UCP3: variants seen among roughly 807,000 people sequenced by gnomAD.
UCP3 encodes the protein putative mitochondrial transporter UCP3.
In UCP3, 24 loss-of-function variants were observed where a neutral mutation model predicts 28.1. The observed-to-expected ratio is 0.85, with a 90% CI of 0.62 to 1.20. The LOEUF is 1.20. Among genes scored for constraint, UCP3 ranks in the 50% most tolerant of loss-of-function variants. The pLI is 0.00. For missense variants in UCP3, 397 were observed against 422.2 expected (o/e 0.94, Z 0.52); for synonymous variants, 184 against 171.2 (o/e 1.07, Z -0.59).
intron 3 of UCP3, 26 bp downstream of exon 3, chr11:74,006,143 T>C (rs1951663525): frequency 1.2e-6 from 2 of 1,613,228 alleles, no homozygotes; most frequent in Non-Finnish European, 1.7e-6. Flanking sequence ...GCCACCCCTT[T>C]GGTGTTCAGG....
rs202151585 is a variant in UCP3 at position 74,005,820 on chromosome 11, C to T, written c.451G>A (p.Gly151Arg). 5.3e-5 allele frequency: 85 copies of T among 1,614,064 alleles called. No homozygotes were observed. Among genetic ancestry groups the T allele is most frequent in the African/African-American group, 9.3e-5 (7 of 74,898 alleles). ...KVRFQASIHL[G>R]PSRSDRKYSG... Reference sequence around the variant, plus strand: ...TATTTTCTGTCGCTCCTGGATGGCCCGAGGTGTATGCTGGCCTGAAATCGG... The same window carrying T: ...TATTTTCTGTCGCTCCTGGATGGCCTGAGGTGTATGCTGGCCTGAAATCGG... The change falls in exon 4 of 7, where the codon GGG (glycine) becomes AGG (arginine). Residue 151 changes from glycine to arginine, a missense_variant. Gly to Arg is a moderately radical substitution (Grantham distance 125). Transcript: ENST00000314032.
At chr11:74,008,844 T>C (rs1951685520) in intron 1 of UCP3, 134 bp downstream of exon 1, 1 of 152,198 alleles carries the variant, frequency 6.6e-6, no homozygotes, top group Non-Finnish European at 1.5e-5. Flanking sequence ...ACTGAATCTC[T>C]ATCAGGTCTG....
intron 6 of UCP3, chr11:74,002,963 AG>A: frequency 1.0e-6 from 1 of 984,658 alleles, no homozygotes; most frequent in Non-Finnish European, 1.2e-6. Flanking sequence ...TCTGACGGTC[AG>A]GGTTTGAGCC....
intron 6 of UCP3, chr11:74,002,945 G>A (rs897894820): frequency 3.0e-6 from 3 of 985,264 alleles, no homozygotes; most frequent in Non-Finnish European, 3.6e-6. Flanking sequence ...ACATTGTTGG[G>A]TGTGGTGTCT....
At chr11:74,003,494 C>T (rs1565190475) in intron 6 of UCP3, 2 of 1,033,498 alleles carry the variant, frequency 1.9e-6, no homozygotes, top group Non-Finnish European at 2.3e-6. Flanking sequence ...CGTGTGGAGA[C>T]AGTGAGGAAG....
rs1951619879 is a variant in UCP3 at position 74,001,321 on chromosome 11, G to T, written c.*91C>A. The T allele has an allele frequency of 3.5e-6, 4 of 1,155,024 alleles. No homozygotes were observed. The South Asian group carries it at 3.9e-5, about 11-fold the overall frequency. The allele number at this position is 1,155,024 out of a possible 1,614,324, so 71.5% of individuals were successfully genotyped here. On this transcript the variant is annotated 3_prime_UTR_variant, in exon 7 of 7. Transcript: ENST00000314032. ...AACAACAGTTCTGTAAACATGTGTG[G>T]GTCTGTGTCCATGTGTGCGTGGATG...
At chr11:74,003,576 T>C (rs1337255300) in intron 6 of UCP3, 1 of 1,221,648 alleles carries the variant, frequency 8.2e-7, no homozygotes, top group African/African-American at 1.5e-5. Context: ...ATTGCTAACT[T>C]CCTCTGGAGA....
chr11:74,005,844 G>A lies in UCP3; in HGVS notation c.427C>T (p.Arg143Ter), dbSNP rs104894319. Reference sequence around the variant, plus strand: ...CCGAGGTGTATGCTGGCCTGAAATCGGACCTTCACCACATCTGTGGGCTGG... The same window carrying A: ...CCGAGGTGTATGCTGGCCTGAAATCAGACCTTCACCACATCTGTGGGCTGG... ...CAQPTDVVKV[R>*]FQASIHLGPS... Residue 143 changes from arginine to a stop codon, truncating the protein, a stop_gained, in exon 4 of 7, where the codon CGA becomes TGA. Transcript: ENST00000314032. LOFTEE classifies it high-confidence loss of function. 3.9e-4 allele frequency: 635 copies of A among 1,614,128 alleles called. 1 individual carries two copies. The African/African-American group carries it at 6.5e-3, about 16-fold the overall frequency.
rs1170213272 is a variant in UCP3 at position 74,004,368 on chromosome 11, G to A, written c.643+116C>T. On this transcript the variant is annotated intron_variant, in intron 5 of 6. Coordinates refer to ENST00000314032, the MANE Select transcript of UCP3 (RefSeq NM_003356.4). ...TACCTGGCACTTTTTACTAGGCACT[G>A]CTTCTCTCTCTGCTCCTTCTAAAAC... 6.3e-6 allele frequency: 6 copies of A among 952,880 alleles called. No homozygotes were observed. The Admixed American group carries it at 1.1e-4, about 18-fold the overall frequency. 59.0% of individuals were successfully genotyped at this position (952,880 alleles called of 1,614,324 possible).
At chr11:74,001,733 A>AC (rs1951623417) in intron 6 of UCP3, 2 of 565,552 alleles carry the variant, frequency 3.5e-6, no homozygotes, top group African/African-American at 1.9e-5. Context: ...AAGAAAAAAA[A>AC]ACTCACGTTT....
chr11:74,001,456 G>A lies in UCP3; in HGVS notation c.895C>T (p.Arg299Trp), dbSNP rs142927779. ...AACATCTGGACTTTCATCAGGGCCC[G>A]TTTCAGCTGCTCATAGGTTACGAAC... ...VMFVTYEQLK[R>W]ALMKVQMLRE... Residue 299 changes from arginine (R) to tryptophan (W), a missense_variant, in exon 7 of 7, where the codon CGG becomes TGG. Coordinates refer to ENST00000314032, the MANE Select transcript of UCP3 (RefSeq NM_003356.4). 2.5e-6 allele frequency: 4 copies of A among 1,614,158 alleles called. No individual in the cohort carries two copies. Among genetic ancestry groups the A allele is most frequent in the African/African-American group, 2.7e-5 (2 of 75,034 alleles).
rs746995996 is a variant in UCP3 at position 74,003,829 on chromosome 11, C to T, written c.822G>A (p.Lys274=). The part of the protein sequence containing the change: ...VAQEGPTAFY[K]GFTPSFLRLG... ...GCTGGAGGCAGGAGGAGGCTCACCC[C>T]TTGTAGAAGGCTGTGGGGCCCTCCT... The change falls in exon 6 of 7, where the codon AAG becomes AAA. Residue 274 remains lysine (K), a splice_region_variant and synonymous_variant. Coordinates refer to ENST00000314032, the MANE Select transcript of UCP3 (RefSeq NM_003356.4). 74 of 1,597,518 alleles carry T rather than the reference C, an allele frequency of 4.6e-5. No individual in the cohort carries two copies. The highest frequency in any genetic ancestry group is 2.7e-4 in the Admixed American group (16 of 58,258).
chr11:74,004,477 G>A lies in UCP3; in HGVS notation c.643+7C>T. 1 of 1,612,890 alleles carries A rather than the reference G, an allele frequency of 6.2e-7. No individual in the cohort carries two copies. The highest frequency in any genetic ancestry group is 8.5e-7 in the Non-Finnish European group (1 of 1,178,882). ...GAGAGCTGCCTGCCTGGAGCCCAGG[G>A]CCTCACCAGTGAGCAGGTGGTAGTC... On this transcript the variant is annotated splice_region_variant and intron_variant, in intron 5 of 6. Coordinates refer to ENST00000314032, the MANE Select transcript of UCP3 (RefSeq NM_003356.4).
intron 4 of UCP3, among the ~76,000 whole-genome samples, chr11:74,005,093 C>T (rs1363122698): frequency 6.6e-6 from 1 of 152,202 alleles, no homozygotes; most frequent in Non-Finnish European, 1.5e-5. Context: ...TGCCCTTAAA[C>T]TTCACTGGGT....
chr11:74,008,543 C>T lies in UCP3; in HGVS notation c.-96+435G>A, dbSNP rs753891921. ...TAAAGCTCCCAGCAAATGACCTGGA[C>T]CACGCCTCAGGTCAGAAGTGCCCCT... On this transcript the variant is annotated intron_variant, in intron 1 of 6. Transcript: ENST00000314032. Among the ~76,000 whole-genome samples the T allele has an allele frequency of 4.0e-4, 61 of 152,164 alleles. 1 individual carries two copies. Among genetic ancestry groups the T allele is most frequent in the Non-Finnish European group, 8.8e-5 (6 of 68,030 alleles).
intron 1 of UCP3, among the ~76,000 whole-genome samples, chr11:74,008,534 T>C (rs1347014630): frequency 6.6e-6 from 1 of 152,078 alleles, no homozygotes. Context: ...TCCCAGCAAA[T>C]GACCTGGACC....
chr11:74,002,670 G>T, intron 6 of UCP3: 2 of 847,094 alleles, frequency 2.4e-6, no homozygotes, highest in Non-Finnish European at 2.8e-6. Context: ...CCTACAAGAT[G>T]CTCCAGAAAT....
At position 74,005,845 on chromosome 11, in the gene UCP3, G is replaced by C; in HGVS notation, c.426C>G (p.Val142=). 2 of 1,614,198 alleles carry C rather than the reference G, an allele frequency of 1.2e-6. No homozygotes were observed. The highest frequency in any genetic ancestry group is 1.7e-6 in the Non-Finnish European group (2 of 1,180,046). The stretch of plus-strand genomic sequence containing the variant: ...CGAGGTGTATGCTGGCCTGAAATCG[G>C]ACCTTCACCACATCTGTGGGCTGGG... ...TCAQPTDVVK[V]RFQASIHLGP... The change falls in exon 4 of 7, where the codon GTC becomes GTG. Residue 142 remains valine, a synonymous_variant. Transcript: ENST00000314032.
Position 74,004,004 on chromosome 11 carries a change from TTGTC to T in UCP3, c.644-1_646del. 1 of 1,613,762 alleles carries T rather than the reference TTGTC, an allele frequency of 6.2e-7. No individual in the cohort carries two copies. Among genetic ancestry groups the T allele is most frequent in the Non-Finnish European group, 8.5e-7 (1 of 1,179,980 alleles). ...GGCAGAGACAAAGTGGCAGGGGAAGTTGTCTGCAGAGGAAGGACAAGCAAATATC... is the reference window on the plus strand; with the variant it reads ...GGCAGAGACAAAGTGGCAGGGGAAGTTGCAGAGGAAGGACAAGCAAATATC... On this transcript the variant is annotated splice_acceptor_variant and coding_sequence_variant, in exon 6 of 7. Coordinates refer to ENST00000314032, the MANE Select transcript of UCP3 (RefSeq NM_003356.4). LOFTEE classifies it high-confidence loss of function.
Sources: allele counts gnomAD v4.1 joint callset (sites outside exome capture counted in the v4.1 genomes callset), GRCh38; gene constraint gnomAD v4.1.1; transcripts MANE v1.5; gene names NCBI Gene and HGNC (gene_info 2026-07-23, HGNC 2026-07-21).